Variants in WNT5A observed in about 807,000 individuals in gnomAD.
The protein encoded by WNT5A is Wnt family member 5A.
A neutral mutation model predicts 42.1 loss-of-function variants in WNT5A; 9 were observed. The ratio of observed to expected loss-of-function variants is 0.21; its 90% CI spans 0.13 to 0.37. The LOEUF (loss-of-function observed/expected upper bound fraction) is 0.37. WNT5A is among the 10% of genes least tolerant of loss of function. The pLI, the probability that WNT5A is intolerant of heterozygous loss-of-function variation, is 1.00. For missense variants in WNT5A, 426 were observed against 534.0 expected (o/e 0.80, Z 1.99); for synonymous variants, 210 against 210.0 (o/e 1.00, Z 0.00).
rs746392030 is a variant in WNT5A, at chr3:55,470,411, G to A, written c.824C>T (p.Ala275Val). 6 of 1,613,412 alleles carry A rather than the reference G, an allele frequency of 3.7e-6. No homozygotes were observed. The highest frequency in any genetic ancestry group is 5.1e-6 in the Non-Finnish European group (6 of 1,179,668). ...ALKEKYDSAA[A>V]MRLNSRGKLV... ...CTTGCCCCGGCTGTTGAGCCGCATG[G>A]CCGCCGCGCTGTCGTACTTCTCCTT... Residue 275 changes from alanine to valine, a missense_variant, in exon 5 of 5, where the codon GCC becomes GTC. Ala to Val is a moderately conservative substitution (Grantham distance 64, BLOSUM62 0). Around this residue, in one of 3 missense-constraint regions of WNT5A, gnomAD observed 358 missense variants for 468.1 expected, o/e 0.76. Coordinates refer to ENST00000264634, the MANE Select transcript of WNT5A (RefSeq NM_003392.7).
upstream of WNT5A, among the ~76,000 whole-genome samples, chr3:55,495,220 A>G (rs1209306625): frequency 6.6e-6 from 1 of 152,200 alleles, no homozygotes; most frequent in African/African-American, 2.4e-5. Context: ...TAGTCTTAGC[A>G]ATTTTCAAGT....
At chr3:55,501,978 G>GA in the WNT5A span, among the ~76,000 whole-genome samples, 33 of 152,276 alleles carry the variant, frequency 2.2e-4, no homozygotes, top group South Asian at 6.8e-3. Context: ...TTATCAAAAG[G>GA]AAAATAAGGC....
chr3:55,493,605 AC>A (rs1277870662), upstream of WNT5A, among the ~76,000 whole-genome samples: 1 of 152,214 alleles, frequency 6.6e-6, no homozygotes, highest in Non-Finnish European at 1.5e-5. Context: ...TGTGACACAA[AC>A]CCCTACTGAC....
rs751696945 is a variant in WNT5A at position 55,470,393 on chromosome 3, C to T, written c.842G>A (p.Arg281Gln). 4 of 1,613,654 alleles carry T rather than the reference C, an allele frequency of 2.5e-6. No homozygotes were observed. The highest frequency in any genetic ancestry group is 2.2e-5 in the South Asian group (2 of 91,040). Residue 281 changes from arginine (R) to glutamine (Q), a missense_variant, in exon 5 of 5, where the codon CGG (arginine) becomes CAG (glutamine). Transcript: ENST00000264634. ...DSAAAMRLNS[R>Q]GKLVQVNSRF... ...GCTGTTGACCTGTACCAACTTGCCC[C>T]GGCTGTTGAGCCGCATGGCCGCCGC...
At chr3:55,488,320 C>G (rs1168423052), upstream of WNT5A, 1 of 150,164 alleles carries the variant, frequency 6.7e-6, no homozygotes, top group East Asian at 2.0e-4. Context: ...GGACGCGTCC[C>G]CCCCTCCCAC....
Position 55,474,325 on chromosome 3 carries a change from C to A in WNT5A, c.684+12G>T. The A allele has an allele frequency of 6.2e-7, 1 of 1,612,628 alleles. No homozygotes were observed. The highest frequency in any genetic ancestry group is 1.1e-5 in the South Asian group (1 of 90,994). On this transcript the variant is annotated intron_variant, in intron 4 of 4. Coordinates refer to ENST00000264634, the MANE Select transcript of WNT5A (RefSeq NM_003392.7). ...ACAGAGATGCGGGGCGGGGGCGAGA[C>A]GCGGCACTCACCCTGCGGCCGGCCT...
At position 55,478,114 on chromosome 3, in the gene WNT5A, C is replaced by CG. The variant is rs2051391011; in HGVS notation, c.391+1199_391+1200insC. 2.0e-5 allele frequency among the ~76,000 whole-genome samples: 3 copies of CG among 152,158 alleles called. No homozygotes were observed. The South Asian group carries it at 6.2e-4, about 32-fold the overall frequency. ...TCTTAGATTCAGATCCCAGTATATACATTAGCACATTTTAATCATTAACAG... is the reference window on the plus strand; with the variant it reads ...TCTTAGATTCAGATCCCAGTATATACGATTAGCACATTTTAATCATTAACAG... On this transcript the variant is annotated intron_variant, in intron 3 of 4. Coordinates refer to ENST00000264634, the MANE Select transcript of WNT5A (RefSeq NM_003392.7).
At chr3:55,494,054 T>C (rs529860186), upstream of WNT5A, 19 of 152,364 alleles carry the variant, frequency 1.2e-4, no homozygotes, top group African/African-American at 4.6e-4. Flanking sequence ...ATCATCTACA[T>C]GCTGGGTTTA....
chr3:55,485,671 G>A (rs958827218), intron 1 of WNT5A, among the ~76,000 whole-genome samples: 1 of 152,158 alleles, frequency 6.6e-6, no homozygotes, highest in Non-Finnish European at 1.5e-5. Flanking sequence ...TGGCTGGGGG[G>A]AGGGCAGGGG....
intron 3 of WNT5A, among the ~76,000 whole-genome samples, chr3:55,475,825 C>T (rs933266657): frequency 1.3e-5 from 2 of 152,102 alleles, no homozygotes; most frequent in African/African-American, 2.4e-5. Context: ...CCCTAAACTT[C>T]GCTTGTACAT....
rs2051213703 is a variant in WNT5A at position 55,469,940 on chromosome 3, G to A, written c.*152C>T. ...ATTATAATATTAATAATAAACCACA[G>A]AGTTCTTAGATGGTAACAGGAAAAA... On this transcript the variant is annotated 3_prime_UTR_variant, in exon 5 of 5. Coordinates refer to ENST00000264634, the MANE Select transcript of WNT5A (RefSeq NM_003392.7). The A allele has an allele frequency of 8.2e-6, 6 of 735,344 alleles. No homozygotes were observed. Among genetic ancestry groups the A allele is most frequent in the Non-Finnish European group, 1.3e-5 (6 of 450,966 alleles). 45.6% of individuals were successfully genotyped at this position (735,344 alleles called of 1,614,324 possible).
chr3:55,498,985 G>A, the WNT5A span, among the ~76,000 whole-genome samples: 1 of 152,164 alleles, frequency 6.6e-6, no homozygotes, highest in Non-Finnish European at 1.5e-5. Context: ...GAGCCCTCGG[G>A]TCCAATTGTG....
rs1247176264 is a variant in WNT5A, at chr3:55,467,861, T to G, written c.*2231A>C. ...AATCTGATTTAGCAAATAAAAAAAG[T>G]ACTTCATGGTTTTTGTATAATAAAA... On this transcript the variant is annotated 3_prime_UTR_variant, in exon 5 of 5. Transcript: ENST00000264634. 1 of 152,188 alleles carries G rather than the reference T, an allele frequency of 6.6e-6. No homozygotes were observed. Among genetic ancestry groups the G allele is most frequent in the Non-Finnish European group, 1.5e-5 (1 of 68,016 alleles). 9.4% of individuals were successfully genotyped at this position (152,188 alleles called of 1,614,324 possible).
chr3:55,494,021 T>G (rs527331709), upstream of WNT5A: 2 of 152,350 alleles, frequency 1.3e-5, no homozygotes, highest in Admixed American at 1.3e-4. Context: ...CATTTTCCAT[T>G]GCGTATTCTA....
chr3:55,471,657 C>T (rs2051254408), intron 4 of WNT5A, among the ~76,000 whole-genome samples: 1 of 152,248 alleles, frequency 6.6e-6, no homozygotes, highest in Non-Finnish European at 1.5e-5. Flanking sequence ...GGCCCTTGCC[C>T]AGTCACCTTG....
chr3:55,489,965 A>T (rs1181449621), upstream of WNT5A: 1 of 152,226 alleles, frequency 6.6e-6, no homozygotes, highest in Non-Finnish European at 1.5e-5. Context: ...TGGCTGCGGG[A>T]GAGCATGTGC....
chr3:55,474,289 A>G, intron 4 of WNT5A, 48 bp downstream of exon 4: 1 of 1,609,428 alleles, frequency 6.2e-7, no homozygotes, highest in Non-Finnish European at 8.5e-7. Flanking sequence ...GCTGGAGGGC[A>G]AGGTGAGAAG....
chr3:55,484,844 C>A (rs1470986083), intron 1 of WNT5A, among the ~76,000 whole-genome samples: 2 of 152,168 alleles, frequency 1.3e-5, no homozygotes, highest in Admixed American at 6.5e-5. Flanking sequence ...GATAGTCCAA[C>A]CCCCACTCTT....
chr3:55,487,023 C>G lies in WNT5A; in HGVS notation c.-38G>C. 1 of 1,606,652 alleles carries G rather than the reference C, an allele frequency of 6.2e-7. No individual in the cohort carries two copies. The highest frequency in any genetic ancestry group is 8.5e-7 in the Non-Finnish European group (1 of 1,176,488). On this transcript the variant is annotated 5_prime_UTR_variant, in exon 1 of 5. Coordinates refer to ENST00000264634, the MANE Select transcript of WNT5A (RefSeq NM_003392.7). The stretch of plus-strand genomic sequence containing the variant: ...GGGGCGCGGGGAGGAAGTCGCCACC[C>G]GAGCGAGCGCAGCCGAGGAATCCGA...
Sources: allele counts gnomAD v4.1 joint callset (sites outside exome capture counted in the v4.1 genomes callset), GRCh38; gene constraint gnomAD v4.1.1; regional missense constraint gnomAD v4.1.1; transcripts MANE v1.5; gene names NCBI Gene and HGNC (gene_info 2026-07-23, HGNC 2026-07-21).